Variants in MIPOL1 observed in about 807,000 individuals in gnomAD.
MIPOL1 encodes mirror-image polydactyly gene 1 protein.
MIPOL1 carries 57 observed loss-of-function variants against 60.9 expected under a neutral mutation model. The ratio of observed to expected loss-of-function variants is 0.94; its 90% CI spans 0.76 to 1.17. MIPOL1 has a LOEUF of 1.17. MIPOL1 is among the 50% of genes most tolerant of loss of function. The pLI is 0.00. For missense variants in MIPOL1, 551 were observed against 511.6 expected (o/e 1.08, Z -0.74); for synonymous variants, 179 against 168.8 (o/e 1.06, Z -0.47).
At chr14:37,535,686 C>G (rs2095503102) in intron 12 of MIPOL1, among the ~76,000 whole-genome samples, 1 of 152,102 alleles carries the variant, frequency 6.6e-6, no homozygotes. Context: ...TATATATCTA[C>G]AGTAGAAACA....
intron 9 of MIPOL1, among the ~76,000 whole-genome samples, chr14:37,354,097 G>A (rs1407930463): frequency 6.9e-4 from 104 of 150,364 alleles, no homozygotes; most frequent in Admixed American, 6.8e-3. Flanking sequence ...AGAGATTCTG[G>A]TATGTTGTGT....
intron 11 of MIPOL1, among the ~76,000 whole-genome samples, chr14:37,479,151 AAATT>A (rs2094822964): frequency 1.3e-5 from 2 of 152,124 alleles, no homozygotes; most frequent in African/African-American, 4.8e-5. Flanking sequence ...TACAGACAGA[AAATT>A]AATAAAATAT....
chr14:37,394,554 A>G (rs1009822594), intron 10 of MIPOL1, among the ~76,000 whole-genome samples: 3 of 151,716 alleles, frequency 2.0e-5, no homozygotes, highest in African/African-American at 4.8e-5. Flanking sequence ...GGCCATTTGT[A>G]TATCTTCTTT....
chr14:37,258,995 C>G (rs1179223019), intron 3 of MIPOL1, among the ~76,000 whole-genome samples: 1 of 151,918 alleles, frequency 6.6e-6, no homozygotes, highest in Non-Finnish European at 1.5e-5. Flanking sequence ...ATTGTTGTAT[C>G]TAAGGTAAAA....
chr14:37,520,852 G>T (rs995132507), intron 12 of MIPOL1, among the ~76,000 whole-genome samples: 2 of 147,136 alleles, frequency 1.4e-5, no homozygotes, highest in African/African-American at 2.5e-5. Flanking sequence ...AAAGAAAGTA[G>T]ATTAAAATTT....
intron 9 of MIPOL1, among the ~76,000 whole-genome samples, chr14:37,356,388 A>G (rs141700072): frequency 0.062 from 9,458 of 151,724 alleles, 529 homozygotes; most frequent in East Asian, 0.32. Context: ...CCCAGAGGTG[A>G]AGCCTACAGA....
chr14:37,296,444 T>C, intron 7 of MIPOL1, among the ~76,000 whole-genome samples: 1 of 151,758 alleles, frequency 6.6e-6, no homozygotes, highest in South Asian at 2.1e-4. Flanking sequence ...AGGCAAGAAA[T>C]AACTAAGATC....
chr14:37,387,410 G>A (rs562728239), intron 10 of MIPOL1, among the ~76,000 whole-genome samples: 50 of 151,970 alleles, frequency 3.3e-4, no homozygotes, highest in African/African-American at 1.2e-3. Flanking sequence ...TTTATTTCAA[G>A]TGTTCCATTT....
intron 12 of MIPOL1, among the ~76,000 whole-genome samples, chr14:37,518,324 TATCAAAGTAA>T (rs1254655690): frequency 6.6e-6 from 1 of 152,208 alleles, no homozygotes; most frequent in Non-Finnish European, 1.5e-5. Context: ...GAATTAGAAA[TATCAAAGTAA>T]ATCTCATGAT....
At chr14:37,223,474 A>G (rs566795875) in intron 1 of MIPOL1, among the ~76,000 whole-genome samples, 2 of 152,170 alleles carry the variant, frequency 1.3e-5, no homozygotes, top group African/African-American at 4.8e-5. Context: ...CTCTACCACA[A>G]TATTTTTCAG....
chr14:37,226,549 C>T (rs1428608470), intron 1 of MIPOL1, among the ~76,000 whole-genome samples: 1 of 152,182 alleles, frequency 6.6e-6, no homozygotes, highest in Admixed American at 6.5e-5. Context: ...GGAAACCACC[C>T]CCACGATTCG....
chr14:37,294,315 C>A (rs2085400200), intron 7 of MIPOL1, among the ~76,000 whole-genome samples: 1 of 152,040 alleles, frequency 6.6e-6, no homozygotes, highest in Non-Finnish European at 1.5e-5. Flanking sequence ...CTGTATGTCA[C>A]CATCATCAAA....
intron 11 of MIPOL1, among the ~76,000 whole-genome samples, chr14:37,491,116 A>T (rs1427278944): frequency 6.6e-6 from 1 of 152,208 alleles, no homozygotes; most frequent in Non-Finnish European, 1.5e-5. Context: ...TGGCTTTGTG[A>T]GTATAATGTC....
intron 10 of MIPOL1, among the ~76,000 whole-genome samples, chr14:37,395,247 A>G (rs533519515): frequency 3.0e-4 from 46 of 152,218 alleles, no homozygotes; most frequent in Non-Finnish European, 5.3e-4. Flanking sequence ...TTTTGGTTCC[A>G]TGTGAATTTT....
At chr14:37,263,626 C>A (rs931065475) in intron 3 of MIPOL1, among the ~76,000 whole-genome samples, 9 of 152,100 alleles carry the variant, frequency 5.9e-5, no homozygotes, top group Non-Finnish European at 1.0e-4. Flanking sequence ...TGTTGTTTAA[C>A]TCTGAGAAAA....
intron 3 of MIPOL1, among the ~76,000 whole-genome samples, chr14:37,255,583 A>G (rs1030593099): frequency 2.0e-5 from 3 of 151,754 alleles, no homozygotes; most frequent in African/African-American, 4.8e-5. Flanking sequence ...ACAACCTGTC[A>G]TGTAGGACGT....
intron 11 of MIPOL1, among the ~76,000 whole-genome samples, chr14:37,428,652 T>C (rs1436203936): frequency 6.7e-6 from 1 of 149,176 alleles, no homozygotes; most frequent in Non-Finnish European, 1.5e-5. Flanking sequence ...TGGGTTTTTT[T>C]CCAAAAATCT....
intron 6 of MIPOL1, among the ~76,000 whole-genome samples, chr14:37,281,756 G>T (rs2084126959): frequency 6.6e-6 from 1 of 152,080 alleles, no homozygotes; most frequent in Admixed American, 6.5e-5. Context: ...AATGGTAGTT[G>T]CTTAAAATTG....
At chr14:37,325,684 A>AT in intron 9 of MIPOL1, among the ~76,000 whole-genome samples, 1 of 151,198 alleles carries the variant, frequency 6.6e-6, no homozygotes, top group East Asian at 2.0e-4. Context: ...TTTTACTCTC[A>AT]TTTTTGAAGG....
Sources: gnomAD v4.1 joint callset for allele counts (sites outside exome capture counted in the v4.1 genomes callset) on GRCh38, gnomAD v4.1.1 for gene constraint, MANE v1.5 for transcripts, NCBI Gene and HGNC (gene_info 2026-07-23, HGNC 2026-07-21) for gene names.